The following WDR7 variants were observed in gnomAD, a reference collection of about 807,000 sequenced individuals.
WDR7 encodes WD repeat domain 7, also known as WD repeat-containing protein 7.
WDR7 carries 46 observed loss-of-function variants against 169.4 expected under a neutral mutation model. The observed-to-expected ratio is 0.27, with a 90% confidence interval of 0.21 to 0.35. WDR7 has a LOEUF of 0.35. Among genes scored for constraint, WDR7 ranks in the 10% least tolerant of loss-of-function variants. The pLI is 1.00. For synonymous variants in WDR7, 612 were observed against 666.8 expected, an observed-to-expected ratio of 0.92 and a Z score of 1.27; for missense variants, 1,534 against 1,859.3, an observed-to-expected ratio of 0.83 and a Z score of 3.22.
chr18:56,810,466 A>G (rs1444190832), intron 19 of WDR7, among the ~76,000 whole-genome samples: 3 of 152,160 alleles, frequency 2.0e-5, no homozygotes, highest in East Asian at 3.8e-4. Context: ...AAACAAGTCA[A>G]TCACTTCTTA....
At chr18:57,031,300 A>T (rs904701909), downstream of WDR7, 1 of 152,202 alleles carries the variant, frequency 6.6e-6, no homozygotes, top group Admixed American at 6.5e-5. Flanking sequence ...CAAATTACTT[A>T]TGAAGATATT....
At chr18:56,694,407 A>G (rs1255106873) in intron 9 of WDR7, among the ~76,000 whole-genome samples, 1 of 152,194 alleles carries the variant, frequency 6.6e-6, no homozygotes, top group South Asian at 2.1e-4. Context: ...GTTTCATTCA[A>G]TGTGTGTGTT....
intron 19 of WDR7, among the ~76,000 whole-genome samples, chr18:56,812,123 T>G (rs903577664): frequency 6.6e-6 from 1 of 152,192 alleles, no homozygotes; most frequent in African/African-American, 2.4e-5. Context: ...TTCATTTGTT[T>G]AGATCTCCTT....
At chr18:56,711,019 GT>G (rs567632562) in intron 12 of WDR7, among the ~76,000 whole-genome samples, 75 of 142,082 alleles carry the variant, frequency 5.3e-4, no homozygotes, top group South Asian at 1.8e-3. Flanking sequence ...AAGGATTTTA[GT>G]TTTTTTTTTT....
intron 20 of WDR7, among the ~76,000 whole-genome samples, chr18:56,864,808 T>C (rs2045858292): frequency 6.6e-6 from 1 of 151,896 alleles, no homozygotes; most frequent in Non-Finnish European, 1.5e-5. Flanking sequence ...AAAGCCAAGA[T>C]TGCCTCCTGA....
At chr18:56,990,935 AC>A (rs767998442) in intron 26 of WDR7, among the ~76,000 whole-genome samples, 2 of 152,026 alleles carry the variant, frequency 1.3e-5, no homozygotes, top group Admixed American at 6.6e-5. Context: ...TTATTCCTAA[AC>A]CCAACAACTA....
chr18:56,885,055 G>C (rs2046166926), intron 21 of WDR7, among the ~76,000 whole-genome samples: 1 of 152,110 alleles, frequency 6.6e-6, no homozygotes. Flanking sequence ...TTACAGTTTG[G>C]CTCTCAGGAA....
At chr18:56,739,784 T>C (rs2043586958) in intron 14 of WDR7, among the ~76,000 whole-genome samples, 1 of 152,092 alleles carries the variant, frequency 6.6e-6, no homozygotes, top group Non-Finnish European at 1.5e-5. Flanking sequence ...CTATCATTCT[T>C]ATTGTTATTC....
At chr18:57,015,126 A>G (rs1389252753) in intron 26 of WDR7, among the ~76,000 whole-genome samples, 1 of 152,224 alleles carries the variant, frequency 6.6e-6, no homozygotes, top group African/African-American at 2.4e-5. Context: ...AAAACAGAAT[A>G]GATTTTCATC....
In WDR7 at chr18:56,895,607, A is replaced by T. The variant is rs569599124; in HGVS notation, c.3526+15442A>T. The stretch of plus-strand genomic sequence containing the variant: ...ACGAAATGAAATTGCATAGCTAAGA[A>T]TACACTTAAGAAATACATTTTCCTG... On this transcript the variant is annotated intron_variant, in intron 21 of 27. Coordinates refer to ENST00000254442, the MANE Select transcript of WDR7 (RefSeq NM_015285.3). 2.0e-5 allele frequency among the ~76,000 whole-genome samples: 3 copies of T among 151,998 alleles called. No individual in the cohort carries two copies. In the South Asian group the frequency reaches 6.2e-4, roughly 31 times the overall value.
At chr18:56,738,237 A>G (rs1390000052) in intron 14 of WDR7, among the ~76,000 whole-genome samples, 2 of 152,194 alleles carry the variant, frequency 1.3e-5, no homozygotes, top group Non-Finnish European at 2.9e-5. Context: ...ATCTTCTAAC[A>G]TGCTTCTTAT....
At chr18:56,914,516 C>A (rs949940833) in intron 21 of WDR7, among the ~76,000 whole-genome samples, 1 of 152,158 alleles carries the variant, frequency 6.6e-6, no homozygotes, top group Non-Finnish European at 1.5e-5. Context: ...TGAAACCTGG[C>A]TGTTCTCTTG....
chr18:56,902,625 G>C (rs917254046), intron 21 of WDR7, among the ~76,000 whole-genome samples: 2 of 152,072 alleles, frequency 1.3e-5, no homozygotes, highest in African/African-American at 4.8e-5. Flanking sequence ...CATTTTTGAG[G>C]GTCAAAGATG....
intron 25 of WDR7, among the ~76,000 whole-genome samples, chr18:56,940,464 T>C (rs932341115): frequency 1.3e-5 from 2 of 152,230 alleles, no homozygotes; most frequent in Non-Finnish European, 2.9e-5. Flanking sequence ...AAAAAAATTA[T>C]ACTGTAGCAT....
intron 26 of WDR7, among the ~76,000 whole-genome samples, chr18:56,991,425 A>G (rs191928342): frequency 0.01 from 1,550 of 152,268 alleles, 31 homozygotes; most frequent in African/African-American, 0.034. Context: ...GATTACAGGC[A>G]TGAGCCACCA....
intron 14 of WDR7, among the ~76,000 whole-genome samples, chr18:56,739,767 GA>G (rs1568167730): frequency 1.3e-5 from 2 of 151,538 alleles, no homozygotes; most frequent in African/African-American, 4.9e-5. Context: ...TTGGGGGGGG[GA>G]ATAAGCTATC....
intron 20 of WDR7, among the ~76,000 whole-genome samples, chr18:56,876,859 T>C (rs1237238277): frequency 6.6e-6 from 1 of 151,920 alleles, no homozygotes; most frequent in East Asian, 1.9e-4. Context: ...AAAACAATGA[T>C]ACAAAAGATC....
At chr18:56,911,404 G>C (rs1250469329) in intron 21 of WDR7, among the ~76,000 whole-genome samples, 2 of 152,146 alleles carry the variant, frequency 1.3e-5, no homozygotes, top group East Asian at 3.8e-4. Context: ...ACTTTTGTTT[G>C]CTCATCTTTT....
intron 21 of WDR7, among the ~76,000 whole-genome samples, chr18:56,890,481 C>G (rs959119747): frequency 6.6e-6 from 1 of 152,042 alleles, no homozygotes; most frequent in Non-Finnish European, 1.5e-5. Context: ...AGCAAGCTTA[C>G]GACAATGCCA....
Sources: gnomAD v4.1 joint callset for allele counts (sites outside exome capture counted in the v4.1 genomes callset) on GRCh38, gnomAD v4.1.1 for gene constraint, MANE v1.5 for transcripts, NCBI Gene and HGNC (gene_info 2026-07-23, HGNC 2026-07-21) for gene names.